SLC30A10: variants seen among roughly 807,000 people sequenced by gnomAD.
The protein encoded by SLC30A10 is solute carrier family 30 member 10, also known as calcium/manganese antiporter SLC30A10.
In SLC30A10, 8 loss-of-function variants were observed where a neutral mutation model predicts 21.7. That is an observed-to-expected ratio of 0.37 (90% confidence interval 0.22 to 0.67). The LOEUF (loss-of-function observed/expected upper bound fraction) is 0.67, where lower values mean the gene tolerates loss of function less well. Among genes scored for constraint, SLC30A10 ranks in the 30% least tolerant of loss-of-function variants. The pLI is 0.58. For synonymous variants in SLC30A10, 272 were observed against 279.4 expected (o/e 0.97, Z 0.26); for missense variants, 521 against 642.5 (o/e 0.81, Z 2.04).
Position 219,918,572 on chromosome 1 carries a change from T to A in SLC30A10, c.719-78A>T, listed in dbSNP as rs1045241593. On this transcript the variant is annotated intron_variant, in intron 2 of 3. Transcript: ENST00000366926. The surrounding 1 kb of genome is among the most constrained non-coding windows in gnomAD (Gnocchi z 4.4). ...ACACTCACTGACTTGGGTGTCCGGG[T>A]ATATGAATATCTGTTACCATTTGGA... is the stretch of plus-strand genomic sequence containing the variant. 19 of 1,496,496 alleles carry A rather than the reference T, an allele frequency of 1.3e-5. No individual in the cohort carries two copies. In the African/African-American group the frequency reaches 2.4e-4, roughly 19 times the overall value. The allele number at this position is 1,496,496 out of a possible 1,614,324, so 92.7% of individuals were successfully genotyped here.
intron 1 of SLC30A10, among the ~76,000 whole-genome samples, chr1:219,953,776 G>A (rs528392096): frequency 1.5e-4 from 22 of 150,756 alleles, no homozygotes; most frequent in African/African-American, 4.9e-4. Context: ...GCCCGATCTC[G>A]GCTCACTGCA....
intron 1 of SLC30A10, among the ~76,000 whole-genome samples, chr1:219,949,195 A>G (rs1389115594): frequency 1.2e-4 from 18 of 152,194 alleles, no homozygotes; most frequent in African/African-American, 4.8e-5. Context: ...GGAAGTCAGC[A>G]TGGTGATTCC....
At chr1:219,921,497 C>A (rs370544496) in intron 2 of SLC30A10, among the ~76,000 whole-genome samples, 1 of 152,070 alleles carries the variant, frequency 6.6e-6, no homozygotes, top group Non-Finnish European at 1.5e-5. Context: ...ACTATTACCC[C>A]CTAAGAATTA....
At chr1:219,940,808 C>G (rs1660110032) in intron 1 of SLC30A10, among the ~76,000 whole-genome samples, 1 of 152,188 alleles carries the variant, frequency 6.6e-6, no homozygotes, top group South Asian at 2.1e-4. Context: ...GAGTCCAGGC[C>G]TGGGTCGATT....
At chr1:219,945,299 C>A (rs141668085) in intron 1 of SLC30A10, among the ~76,000 whole-genome samples, 1 of 152,200 alleles carries the variant, frequency 6.6e-6, no homozygotes, top group Non-Finnish European at 1.5e-5. Context: ...TTATATAACT[C>A]ATTGTATGAA....
chr1:219,950,536 G>A (rs1016164654), intron 1 of SLC30A10, among the ~76,000 whole-genome samples: 4 of 152,022 alleles, frequency 2.6e-5, no homozygotes, highest in Non-Finnish European at 5.9e-5. Context: ...CTACTGGGGA[G>A]GCTGAGGCAG....
intron 1 of SLC30A10, among the ~76,000 whole-genome samples, chr1:219,954,865 G>C (rs1016552493): frequency 2.0e-5 from 3 of 151,964 alleles, no homozygotes; most frequent in African/African-American, 7.3e-5. Context: ...CATCCTACTA[G>C]AAAAGTGAGC....
At chr1:219,922,300 C>G (rs753177083) in intron 2 of SLC30A10, among the ~76,000 whole-genome samples, 82 of 141,720 alleles carry the variant, frequency 5.8e-4, no homozygotes, top group Non-Finnish European at 1.1e-3. Flanking sequence ...ATCCTCTTGC[C>G]TCAGCCTCTC....
chr1:219,915,450 T>C lies in SLC30A10; in HGVS notation c.1457A>G (p.Ter486=). ...DQCYVNRTHF[*] is the part of the protein sequence containing the mutation. ...TGGTCTGATTATGTGAGTACCAGAT[T>C]AAAAATGCGTTCTGTTGACATAACA... Residue 486 remains the stop codon, a stop_retained_variant, in exon 4 of 4, where the codon TAA becomes TGA. Transcript: ENST00000366926. 6.2e-7 allele frequency: 1 copy of C among 1,612,590 alleles called. No individual in the cohort carries two copies. Among genetic ancestry groups the C allele is most frequent in the Non-Finnish European group, 8.5e-7 (1 of 1,179,172 alleles).
At chr1:219,930,777 T>G (rs1659959699), upstream of SLC30A10, among the ~76,000 whole-genome samples, 1 of 152,244 alleles carries the variant, frequency 6.6e-6, no homozygotes, top group Non-Finnish European at 1.5e-5. Context: ...TAGACTACGG[T>G]ATTTTTCACT....
rs896371750 is a variant in SLC30A10 at position 219,912,735 on chromosome 1, G to A, written c.*2714C>T. Among the ~76,000 whole-genome samples the A allele has an allele frequency of 2.6e-5, 4 of 152,104 alleles. No homozygotes were observed. Among genetic ancestry groups the A allele is most frequent in the Non-Finnish European group, 4.4e-5 (3 of 68,026 alleles). On this transcript the variant is annotated 3_prime_UTR_variant, in exon 4 of 4. Transcript: ENST00000366926. ...TGTAATCCCAGCTACTCGGGAGGCT[G>A]AGGCAGGAGAATGGCGTGAACCCAG...
intron 1 of SLC30A10, among the ~76,000 whole-genome samples, chr1:219,937,226 T>C (rs533055122): frequency 3.2e-4 from 49 of 152,350 alleles, no homozygotes; most frequent in African/African-American, 1.2e-3. Context: ...GAGTACAGCC[T>C]GATATTTGTC....
chr1:219,951,727 A>AAAAAG (rs564779130), intron 1 of SLC30A10, among the ~76,000 whole-genome samples: 14 of 151,816 alleles, frequency 9.2e-5, no homozygotes, highest in Non-Finnish European at 1.5e-4. Flanking sequence ...TCTCAAAAAA[A>AAAAAG]AAAAGAAAAG....
At chr1:219,948,831 C>A (rs1394211036) in intron 1 of SLC30A10, among the ~76,000 whole-genome samples, 3 of 152,042 alleles carry the variant, frequency 2.0e-5, no homozygotes, top group Non-Finnish European at 2.9e-5. Flanking sequence ...AGGCAACCTA[C>A]AAAATGGGAG....
At chr1:219,937,296 A>G (rs1206200940) in intron 1 of SLC30A10, among the ~76,000 whole-genome samples, 2 of 152,080 alleles carry the variant, frequency 1.3e-5, no homozygotes, top group Non-Finnish European at 2.9e-5. Context: ...ATATTTAGCA[A>G]CTTCTCCAGA....
In SLC30A10 at chr1:219,918,103, GGCTATAAA is replaced by G; in HGVS notation, c.958+144_958+151del. ...TACTTGGAGCTGAGTCATCTTAATAGGCTATAAAACATATGATGACATCTCTACCACCT... is the reference window on the plus strand; with the variant it reads ...TACTTGGAGCTGAGTCATCTTAATAGACATATGATGACATCTCTACCACCT... On this transcript the variant is annotated intron_variant, in intron 3 of 3. Coordinates refer to ENST00000366926, the MANE Select transcript of SLC30A10 (RefSeq NM_018713.3). The surrounding 1 kb of genome is among the most constrained non-coding windows in gnomAD (Gnocchi z 4.4). 9.7e-7 allele frequency: 1 copy of G among 1,033,420 alleles called. No individual in the cohort carries two copies. Among genetic ancestry groups the G allele is most frequent in the South Asian group, 1.6e-5 (1 of 62,028 alleles). 64.0% of individuals were successfully genotyped at this position (1,033,420 alleles called of 1,614,324 possible).
chr1:219,923,611 C>T (rs1659747862), intron 2 of SLC30A10, among the ~76,000 whole-genome samples: 1 of 152,210 alleles, frequency 6.6e-6, no homozygotes, highest in African/African-American at 2.4e-5. Flanking sequence ...CTTTAAAAAG[C>T]TAATTGTCTT....
chr1:219,922,539 C>T (rs11805049), intron 2 of SLC30A10, among the ~76,000 whole-genome samples: 87 of 152,114 alleles, frequency 5.7e-4, no homozygotes, highest in African/African-American at 1.8e-3. Flanking sequence ...CGTGGGGCAA[C>T]GCTGGAGGCT....
rs1017406278 is a variant in SLC30A10 at position 219,911,682 on chromosome 1, G to T, written c.*3767C>A. 3.9e-5 allele frequency among the ~76,000 whole-genome samples: 6 copies of T among 152,016 alleles called. No individual in the cohort carries two copies. Among genetic ancestry groups the T allele is most frequent in the Non-Finnish European group, 8.8e-5 (6 of 67,998 alleles). ...CAACTGCAATTTTTATGAATAGGCT[G>T]GTCTTGCCTTTAAAAATATGTTTTT... On this transcript the variant is annotated 3_prime_UTR_variant, in exon 4 of 4. Transcript: ENST00000366926.
Sources: gnomAD v4.1 joint callset for allele counts (sites outside exome capture counted in the v4.1 genomes callset) on GRCh38, gnomAD v4.1.1 for gene constraint, Gnocchi (gnomAD v3.1) non-coding constraint, MANE v1.5 for transcripts, NCBI Gene and HGNC (gene_info 2026-07-23, HGNC 2026-07-21) for gene names.